RIMS2: variants seen among roughly 807,000 people sequenced by gnomAD.
The protein encoded by RIMS2 is regulating synaptic membrane exocytosis protein 2.
RIMS2 carries 59 observed loss-of-function variants against 174.4 expected under a neutral mutation model. That is an observed-to-expected ratio of 0.34 (90% CI 0.27 to 0.42). The LOEUF is 0.42. RIMS2 is among the 10% of genes least tolerant of loss of function. The pLI is 1.00. For missense variants in RIMS2, 1,620 were observed against 1,666.3 expected (o/e 0.97, Z 0.48); for synonymous variants, 606 against 572.5 (o/e 1.06, Z -0.84).
At chr8:103,668,801 C>T (rs768352604) in intron 1 of RIMS2, among the ~76,000 whole-genome samples, 20 of 151,982 alleles carry the variant, frequency 1.3e-4, no homozygotes, top group Non-Finnish European at 2.6e-4. Flanking sequence ...CCACCTAAGC[C>T]TCCTGAGAAG....
intron 1 of RIMS2, among the ~76,000 whole-genome samples, chr8:103,532,681 C>T (rs2130948906): frequency 6.6e-6 from 1 of 152,232 alleles, no homozygotes; most frequent in South Asian, 2.1e-4. Context: ...CACTTGTGAC[C>T]AAATGTGGCA....
intron 19 of RIMS2, among the ~76,000 whole-genome samples, chr8:104,154,449 A>T (rs912785009): frequency 6.6e-6 from 1 of 152,230 alleles, no homozygotes; most frequent in African/African-American, 2.4e-5. Context: ...TAATTCCTTT[A>T]CATTTTTAAT....
chr8:103,889,457 T>C (rs1247860688), intron 4 of RIMS2, among the ~76,000 whole-genome samples: 1 of 151,806 alleles, frequency 6.6e-6, no homozygotes, highest in Non-Finnish European at 1.5e-5. Flanking sequence ...CATCAAGTTA[T>C]CTAATTTTAA....
intron 1 of RIMS2, among the ~76,000 whole-genome samples, chr8:103,528,149 A>G (rs996520465): frequency 1.3e-5 from 2 of 152,060 alleles, no homozygotes; most frequent in Non-Finnish European, 2.9e-5. Context: ...CAGTGATGAT[A>G]AGCATTTTTT....
intron 19 of RIMS2, among the ~76,000 whole-genome samples, chr8:104,158,741 G>A (rs932059619): frequency 6.6e-6 from 1 of 151,932 alleles, no homozygotes; most frequent in South Asian, 2.1e-4. Flanking sequence ...TTTCTGATGG[G>A]GTTGTTTTTT....
chr8:103,936,552 G>T (rs1391217460), exon 13 of RIMS2: 1 of 1,551,540 alleles, frequency 6.4e-7, no homozygotes, highest in Admixed American at 2.0e-5. Context: ...TTTCCATAGT[G>T]ATAAAAACAA....
intron 1 of RIMS2, among the ~76,000 whole-genome samples, chr8:103,653,456 G>C (rs1371885913): frequency 6.6e-6 from 1 of 152,164 alleles, no homozygotes; most frequent in Non-Finnish European, 1.5e-5. Flanking sequence ...GTATTCTCCT[G>C]ACAGTTGTCA....
chr8:104,017,539 A>G (rs2095952656), intron 19 of RIMS2, among the ~76,000 whole-genome samples: 3 of 152,120 alleles, frequency 2.0e-5, no homozygotes, highest in African/African-American at 4.8e-5. Context: ...ATGTACTGCC[A>G]TTTTGTAAAA....
intron 19 of RIMS2, among the ~76,000 whole-genome samples, chr8:104,241,104 C>T (rs1019307915): frequency 2.6e-5 from 4 of 152,158 alleles, no homozygotes; most frequent in African/African-American, 9.7e-5. Context: ...CTGCTTTTCC[C>T]ACCCCACTAA....
intron 3 of RIMS2, among the ~76,000 whole-genome samples, chr8:103,864,537 G>T (rs1178327340): frequency 6.6e-6 from 1 of 152,044 alleles, no homozygotes; most frequent in East Asian, 1.9e-4. Context: ...CTGAGAAAAT[G>T]CTTGTTATGA....
intron 14 of RIMS2, among the ~76,000 whole-genome samples, chr8:103,959,320 A>C (rs1255801349): frequency 6.6e-6 from 1 of 152,176 alleles, no homozygotes; most frequent in South Asian, 2.1e-4. Flanking sequence ...TTGTATCATA[A>C]ATAGGGACAT....
At chr8:103,963,876 ATCT>A (rs1344030659) in intron 15 of RIMS2, among the ~76,000 whole-genome samples, 7 of 152,138 alleles carry the variant, frequency 4.6e-5, no homozygotes, top group African/African-American at 1.7e-4. Flanking sequence ...GCAATTATTG[ATCT>A]TCTTACTGTC....
intron 17 of RIMS2, among the ~76,000 whole-genome samples, chr8:103,997,765 AAG>A (rs2095191544): frequency 6.6e-6 from 1 of 151,776 alleles, no homozygotes. Flanking sequence ...TAATAATTAA[AAG>A]AGAAATAGTT....
chr8:103,767,421 G>T (rs962361772), intron 3 of RIMS2, among the ~76,000 whole-genome samples: 1 of 152,072 alleles, frequency 6.6e-6, no homozygotes, highest in Non-Finnish European at 1.5e-5. Context: ...CTCATGACCC[G>T]TGATCTGCCC....
At chr8:104,207,960 G>A (rs2099088270) in intron 19 of RIMS2, among the ~76,000 whole-genome samples, 2 of 151,834 alleles carry the variant, frequency 1.3e-5, no homozygotes, top group African/African-American at 2.4e-5. Flanking sequence ...TTTAAGGCAG[G>A]ATCTTGCTAT....
At chr8:104,198,189 C>T (rs371349706) in intron 19 of RIMS2, among the ~76,000 whole-genome samples, 7 of 152,232 alleles carry the variant, frequency 4.6e-5, no homozygotes, top group South Asian at 2.1e-4. Context: ...AACAAAGACA[C>T]TCAATGTTAA....
chr8:104,039,431 A>C (rs1250488601), intron 19 of RIMS2, among the ~76,000 whole-genome samples: 2 of 151,714 alleles, frequency 1.3e-5, no homozygotes, highest in Non-Finnish European at 3.0e-5. Flanking sequence ...ATAATTTTTC[A>C]TGTTTGGATC....
At chr8:103,660,139 A>G (rs11776707) in intron 1 of RIMS2, among the ~76,000 whole-genome samples, 26,934 of 152,182 alleles carry the variant, frequency 0.18, 2,594 homozygotes, top group African/African-American at 0.24. Flanking sequence ...TTCCACGTCA[A>G]TTACCTGGAT....
Position 103,527,912 on chromosome 8 carries a change from G to A in RIMS2, c.176+26850G>A, listed in dbSNP as rs537977944. The stretch of plus-strand genomic sequence containing the variant: ...ATCCTTTGGGTATATACCCAGTAAC[G>A]GGATGACTGGGTCAAATGGTATTTC... On this transcript the variant is annotated intron_variant, in intron 1 of 23. Transcript: ENST00000504942. Among the ~76,000 whole-genome samples, 89 of 152,216 alleles carry A rather than the reference G, an allele frequency of 5.8e-4. 1 individual carries two copies. Among genetic ancestry groups the A allele is most frequent in the African/African-American group, 2.0e-3 (84 of 41,532 alleles).
Sources: allele counts gnomAD v4.1 joint callset (sites outside exome capture counted in the v4.1 genomes callset), GRCh38; gene constraint gnomAD v4.1.1; transcripts MANE v1.5; gene names NCBI Gene and HGNC (gene_info 2026-07-23, HGNC 2026-07-21).